PCDHGA1: variants seen among roughly 807,000 people sequenced by gnomAD.
PCDHGA1 encodes the protein protocadherin gamma-A1.
A neutral mutation model predicts 58.0 loss-of-function variants in PCDHGA1; 32 were observed. The observed-to-expected ratio is 0.55, with a 90% CI of 0.42 to 0.74. The LOEUF is 0.74. PCDHGA1 is among the 30% of genes least tolerant of loss of function. The probability of loss-of-function intolerance (pLI) is 0.00; values close to 1 mark genes in which losing one functional copy is unlikely to be tolerated. For missense variants in PCDHGA1, 1,205 were observed against 1,182.3 expected, an observed-to-expected ratio of 1.02 and a Z score of -0.28; for synonymous variants, 498 against 501.1, an observed-to-expected ratio of 0.99 and a Z score of 0.08.
At chr5:141,374,601 G>A (rs772584663) in intron 1 of PCDHGA1, 1 of 1,613,676 alleles carries the variant, frequency 6.2e-7, no homozygotes, top group Middle Eastern at 1.6e-4. Flanking sequence ...TTTAAGCTCA[G>A]TGGTAATAGT....
At chr5:141,371,103 G>A in intron 1 of PCDHGA1, 1 of 1,613,826 alleles carries the variant, frequency 6.2e-7, no homozygotes, top group South Asian at 1.1e-5. Context: ...AGATGCAAAT[G>A]ATAACCCCCC....
At chr5:141,384,823 C>T (rs1780554130) in intron 1 of PCDHGA1, 1 of 1,613,490 alleles carries the variant, frequency 6.2e-7, no homozygotes, top group South Asian at 1.1e-5. Flanking sequence ...CAAGCAGAGC[C>T]TCGTGGTGGC....
chr5:141,468,351 A>T (rs1030472813), intron 1 of PCDHGA1: 1 of 149,190 alleles, frequency 6.7e-6, no homozygotes, highest in East Asian at 2.0e-4. Flanking sequence ...AAAAAAAAAG[A>T]AAGAAAAAAG....
chr5:141,453,364 G>A (rs921978865), intron 1 of PCDHGA1, among the ~76,000 whole-genome samples: 4 of 151,814 alleles, frequency 2.6e-5, no homozygotes, highest in African/African-American at 9.7e-5. Flanking sequence ...GAACTCCTGG[G>A]GTCAAGTGAT....
chr5:141,360,069 G>T, intron 1 of PCDHGA1: 1 of 1,469,260 alleles, frequency 6.8e-7, no homozygotes, highest in East Asian at 2.5e-5. Context: ...AGTGACCTTA[G>T]CCCGGATTCT....
chr5:141,438,754 T>C (rs1213047429), intron 1 of PCDHGA1, among the ~76,000 whole-genome samples: 3 of 148,368 alleles, frequency 2.0e-5, no homozygotes, highest in African/African-American at 5.0e-5. Context: ...CTCTGCCTCC[T>C]GGGTTCAAGC....
chr5:141,355,406 G>T (rs1277213650), intron 1 of PCDHGA1: 1 of 1,614,106 alleles, frequency 6.2e-7, no homozygotes, highest in Non-Finnish European at 8.5e-7. Context: ...ATCGTCTCCA[G>T]AGGTAGGACG....
intron 2 of PCDHGA1, among the ~76,000 whole-genome samples, chr5:141,498,828 G>C (rs2099786098): frequency 6.6e-6 from 1 of 152,092 alleles, no homozygotes; most frequent in Non-Finnish European, 1.5e-5. Flanking sequence ...AGCTACTCAG[G>C]AGGCTGAGGC....
At position 141,478,208 on chromosome 5, in the gene PCDHGA1, C is replaced by G. The variant is rs200735608; in HGVS notation, c.2422-16599C>G. The G allele has an allele frequency of 2.5e-6, 4 of 1,614,096 alleles. No individual in the cohort carries two copies. The East Asian group carries it at 8.9e-5, about 36-fold the overall frequency. ...TCTCACCTTTTATCTACTTCTTTCTCTAATCCTGGTTTCTGTGGGGTTTGT... is the reference window on the plus strand; with the variant it reads ...TCTCACCTTTTATCTACTTCTTTCTGTAATCCTGGTTTCTGTGGGGTTTGT... On this transcript the variant is annotated intron_variant, in intron 1 of 3. Coordinates refer to ENST00000517417, the MANE Select transcript of PCDHGA1 (RefSeq NM_018912.3).
In PCDHGA1 at chr5:141,414,129, C is replaced by A. The variant is rs1487550233; in HGVS notation, c.2422-80678C>A. The A allele has an allele frequency of 1.9e-6, 3 of 1,594,152 alleles. No homozygotes were observed. In the Admixed American group the frequency reaches 5.3e-5, roughly 28 times the overall value. ...ATCTAGATTATGAAGAAACCGGTTT[C>A]TATGAAATAGAAATACAAGCAGAAG... On this transcript the variant is annotated intron_variant, in intron 1 of 3. Coordinates refer to ENST00000517417, the MANE Select transcript of PCDHGA1 (RefSeq NM_018912.3).
At chr5:141,338,731 C>T (rs955515565) in intron 1 of PCDHGA1, 2 of 1,010,406 alleles carry the variant, frequency 2.0e-6, no homozygotes, top group Non-Finnish European at 2.5e-6. Context: ...CTGTTGACCA[C>T]CTAAGGAGTA....
At chr5:141,345,858 C>T (rs1052316640) in intron 1 of PCDHGA1, 1 of 1,613,342 alleles carries the variant, frequency 6.2e-7, no homozygotes, top group Admixed American at 1.7e-5. Context: ...CTACCGCCTG[C>T]TCAAGGCCAG....
rs750967343 is a variant in PCDHGA1 at position 141,357,091 on chromosome 5, G to A, written c.2421+23986G>A. On this transcript the variant is annotated intron_variant, in intron 1 of 3. Transcript: ENST00000517417. ...CACAGGCGAGGTGCGCACCGCACGG[G>A]CCCTGCTGGACAGAGACGCGCTCAA... is the stretch of plus-strand genomic sequence containing the variant. 18 of 1,613,788 alleles carry A rather than the reference G, an allele frequency of 1.1e-5. No homozygotes were observed. The highest frequency in any genetic ancestry group is 8.8e-5 in the South Asian group (8 of 91,090).
In PCDHGA1 at chr5:141,331,737, T is replaced by G; in HGVS notation, c.1053T>G (p.Ser351=). The change falls in exon 1 of 4, where the codon TCT becomes TCG. Residue 351 remains serine (S), a synonymous_variant. Coordinates refer to ENST00000517417, the MANE Select transcript of PCDHGA1 (RefSeq NM_018912.3). ...NDNAPEVTIT[S]VTTAVPENFP... is the part of the protein sequence containing the mutation. ...ATGCCCCAGAAGTGACCATCACCTCTGTCACCACTGCAGTTCCAGAAAACT... is the reference window on the plus strand; with the variant it reads ...ATGCCCCAGAAGTGACCATCACCTCGGTCACCACTGCAGTTCCAGAAAACT... 6.2e-7 allele frequency: 1 copy of G among 1,614,158 alleles called. No homozygotes were observed. Among genetic ancestry groups the G allele is most frequent in the Non-Finnish European group, 8.5e-7 (1 of 1,180,032 alleles).
intron 1 of PCDHGA1, chr5:141,405,172 T>G: frequency 1.2e-6 from 2 of 1,614,092 alleles, no homozygotes; most frequent in African/African-American, 2.7e-5. Flanking sequence ...CCTCACACTT[T>G]GTGGGTGTAG....
intron 1 of PCDHGA1, chr5:141,340,335 C>A: frequency 6.2e-7 from 1 of 1,614,210 alleles, no homozygotes. Flanking sequence ...TTCTCCCGCA[C>A]ATCCTACTCC....
chr5:141,427,896 C>G, intron 1 of PCDHGA1: 1 of 1,570,508 alleles, frequency 6.4e-7, no homozygotes, highest in East Asian at 2.2e-5. Context: ...CCAGGGCTCG[C>G]CCGCGCTCAG....
intron 1 of PCDHGA1, among the ~76,000 whole-genome samples, chr5:141,481,730 G>C (rs778885944): frequency 6.6e-5 from 10 of 151,952 alleles, no homozygotes; most frequent in Non-Finnish European, 1.3e-4. Flanking sequence ...GAGGCGGGCG[G>C]ATCACGAGGT....
At chr5:141,464,008 G>A (rs1484928987) in intron 1 of PCDHGA1, among the ~76,000 whole-genome samples, 6 of 151,674 alleles carry the variant, frequency 4.0e-5, no homozygotes, top group Non-Finnish European at 7.4e-5. Flanking sequence ...GCTCATGCTT[G>A]TAATCCCACA....
Sources: allele counts gnomAD v4.1 joint callset (sites outside exome capture counted in the v4.1 genomes callset), GRCh38; gene constraint gnomAD v4.1.1; transcripts MANE v1.5; gene names NCBI Gene and HGNC (gene_info 2026-07-23, HGNC 2026-07-21).